Variants in CCDC91 observed in about 807,000 individuals in gnomAD.
The protein encoded by CCDC91 is coiled-coil domain-containing protein 91.
A neutral mutation model predicts 63.2 loss-of-function variants in CCDC91; 48 were observed. The ratio of observed to expected loss-of-function variants is 0.76; its 90% CI spans 0.60 to 0.97. The LOEUF (loss-of-function observed/expected upper bound fraction) is 0.97, where lower values mean the gene tolerates loss of function less well. Among genes scored for constraint, CCDC91 ranks in the 50% least tolerant of loss-of-function variants. The probability of loss-of-function intolerance (pLI) is 0.00; values close to 1 mark genes in which losing one functional copy is unlikely to be tolerated. For synonymous variants in CCDC91, 167 were observed against 165.8 expected (o/e 1.01, Z -0.06); for missense variants, 500 against 494.6 (o/e 1.01, Z -0.10).
chr12:28,459,842 C>T (rs1248574781), intron 11 of CCDC91, among the ~76,000 whole-genome samples: 1 of 152,106 alleles, frequency 6.6e-6, no homozygotes, highest in Non-Finnish European at 1.5e-5. Context: ...CAAAAGATAC[C>T]ATGTTTTAAA....
intron 8 of CCDC91, among the ~76,000 whole-genome samples, chr12:28,400,575 T>G (rs1946560512): frequency 6.6e-6 from 1 of 152,180 alleles, no homozygotes; most frequent in Admixed American, 6.5e-5. Flanking sequence ...ATTGTCAGAC[T>G]GCAAATTTTC....
chr12:28,433,085 T>TA (rs1948718192), intron 8 of CCDC91, among the ~76,000 whole-genome samples: 1 of 152,012 alleles, frequency 6.6e-6, no homozygotes. Flanking sequence ...TGTTGAGTTT[T>TA]AAGAGTTTTC....
At chr12:28,545,493 G>A (rs1210329398) in intron 12 of CCDC91, among the ~76,000 whole-genome samples, 1 of 152,198 alleles carries the variant, frequency 6.6e-6, no homozygotes, top group East Asian at 1.9e-4. Flanking sequence ...ACCCACAAAA[G>A]TGGAAGCTCA....
intron 1 of CCDC91, among the ~76,000 whole-genome samples, chr12:28,194,701 G>A (rs1430493984): frequency 2.0e-5 from 3 of 150,590 alleles, no homozygotes; most frequent in East Asian, 2.0e-4. Context: ...AGACCTTTGC[G>A]GTGAGTGTTA....
chr12:28,374,684 G>A (rs1944836271), intron 7 of CCDC91, among the ~76,000 whole-genome samples: 1 of 152,108 alleles, frequency 6.6e-6, no homozygotes, highest in East Asian at 1.9e-4. Flanking sequence ...AGTTATGATA[G>A]GACTTAAACT....
At position 28,216,850 on chromosome 12, in the gene CCDC91, A is replaced by G. The variant is rs553827188; in HGVS notation, c.-15+26209A>G. On this transcript the variant is annotated intron_variant, in intron 1 of 12. Transcript: ENST00000536442. ...TGTTTTAGCCTTTTAGAATATAAAC[A>G]TCAGAGAATATCATAAGCATCAGGG... Among the ~76,000 whole-genome samples the G allele has an allele frequency of 4.6e-5, 7 of 152,232 alleles. No homozygotes were observed. The East Asian group carries it at 9.6e-4, about 21-fold the overall frequency.
chr12:28,422,220 TAG>T (rs1298344028), intron 8 of CCDC91, among the ~76,000 whole-genome samples: 25 of 152,232 alleles, frequency 1.6e-4, no homozygotes, highest in South Asian at 6.2e-4. Flanking sequence ...CACATCAAAA[TAG>T]AGTTTGGCTT....
chr12:28,481,620 C>G (rs1325425209), intron 11 of CCDC91, among the ~76,000 whole-genome samples: 8 of 151,948 alleles, frequency 5.3e-5, no homozygotes, highest in Admixed American at 4.6e-4. Flanking sequence ...TTAATCAATT[C>G]TTACTAATTC....
At chr12:28,323,008 A>C (rs568143938) in intron 6 of CCDC91, among the ~76,000 whole-genome samples, 146 of 151,520 alleles carry the variant, frequency 9.6e-4, no homozygotes, top group African/African-American at 3.4e-3. Context: ...TAATTTAAAA[A>C]ATTCTATTTA....
At chr12:28,300,683 C>A (rs1802165351) in intron 3 of CCDC91, among the ~76,000 whole-genome samples, 2 of 151,528 alleles carry the variant, frequency 1.3e-5, no homozygotes, top group East Asian at 3.9e-4. Context: ...TGTATTAAGC[C>A]TATACATTAA....
At chr12:28,262,724 C>T (rs1479268639) in intron 3 of CCDC91, among the ~76,000 whole-genome samples, 2 of 151,924 alleles carry the variant, frequency 1.3e-5, no homozygotes, top group African/African-American at 2.4e-5. Flanking sequence ...AGGCCTGTAT[C>T]TCCTTAAGTT....
intron 2 of CCDC91, among the ~76,000 whole-genome samples, chr12:28,259,039 G>A (rs1946645436): frequency 6.6e-6 from 1 of 151,924 alleles, no homozygotes; most frequent in African/African-American, 2.4e-5. Flanking sequence ...ATGGTTAAAT[G>A]TGGTAAGTTA....
chr12:28,378,570 A>G (rs1945090116), intron 7 of CCDC91, among the ~76,000 whole-genome samples: 3 of 152,110 alleles, frequency 2.0e-5, no homozygotes, highest in Admixed American at 6.6e-5. Context: ...AAAGAGAGGA[A>G]AAGTAAAAAT....
At chr12:28,191,218 T>C (rs1384059336) in intron 1 of CCDC91, 1 of 152,266 alleles carries the variant, frequency 6.6e-6, no homozygotes. Context: ...ACAATAAAGA[T>C]ATTTTCTCCA....
intron 3 of CCDC91, among the ~76,000 whole-genome samples, chr12:28,276,830 G>C (rs1189395427): frequency 6.6e-6 from 1 of 151,900 alleles, no homozygotes; most frequent in Non-Finnish European, 1.5e-5. Flanking sequence ...CAGAATCTGT[G>C]CTATAATCCC....
intron 8 of CCDC91, among the ~76,000 whole-genome samples, chr12:28,449,589 T>C (rs1429791735): frequency 6.6e-6 from 1 of 152,024 alleles, no homozygotes; most frequent in Non-Finnish European, 1.5e-5. Context: ...AATAGATACA[T>C]TAACTTTATA....
At chr12:28,522,209 T>G (rs1940759078) in intron 12 of CCDC91, among the ~76,000 whole-genome samples, 1 of 152,128 alleles carries the variant, frequency 6.6e-6, no homozygotes, top group Non-Finnish European at 1.5e-5. Context: ...TCCTGGATTG[T>G]TTTTGGTTGG....
intron 6 of CCDC91, among the ~76,000 whole-genome samples, chr12:28,333,079 G>C (rs759605255): frequency 1.3e-5 from 2 of 152,076 alleles, no homozygotes; most frequent in Non-Finnish European, 2.9e-5. Context: ...CTGAGAATGT[G>C]TATGTTGGGC....
At chr12:28,373,823 A>T (rs1944774463) in intron 7 of CCDC91, among the ~76,000 whole-genome samples, 2 of 151,932 alleles carry the variant, frequency 1.3e-5, no homozygotes, top group Non-Finnish European at 1.5e-5. Flanking sequence ...AGTTTCCCCC[A>T]TGTTGTCCTG....
Sources: gnomAD v4.1 joint callset for allele counts (sites outside exome capture counted in the v4.1 genomes callset) on GRCh38, gnomAD v4.1.1 for gene constraint, MANE v1.5 for transcripts, NCBI Gene and HGNC (gene_info 2026-07-23, HGNC 2026-07-21) for gene names.